The following CRISPLD2 variants were observed in gnomAD, a reference collection of about 807,000 sequenced individuals.
CRISPLD2 encodes the protein cysteine rich secretory protein LCCL domain containing 2, also known as cysteine-rich secretory protein LCCL domain-containing 2.
CRISPLD2 carries 47 observed loss-of-function variants against 71.1 expected under a neutral mutation model. That is an observed-to-expected ratio of 0.66 (90% CI 0.52 to 0.84). The LOEUF is 0.84. Among genes scored for constraint, CRISPLD2 ranks in the 40% least tolerant of loss-of-function variants. The pLI, the probability that CRISPLD2 is intolerant of heterozygous loss-of-function variation, is 0.00. For missense variants in CRISPLD2, 830 were observed against 651.1 expected, an observed-to-expected ratio of 1.27 and a Z score of -2.99; for synonymous variants, 317 against 250.1, an observed-to-expected ratio of 1.27 and a Z score of -2.52.
intron 13 of CRISPLD2, among the ~76,000 whole-genome samples, chr16:84,880,921 T>A (rs1387560262): frequency 6.6e-6 from 1 of 152,088 alleles, no homozygotes; most frequent in Non-Finnish European, 1.5e-5. Flanking sequence ...GCCAGGCTGG[T>A]TTCGAACTCC....
Position 84,893,954 on chromosome 16 carries a change from A to G in CRISPLD2, c.1439+4591A>G, listed in dbSNP as rs999427059. 2.6e-5 allele frequency among the ~76,000 whole-genome samples: 4 copies of G among 152,350 alleles called. No individual in the cohort carries two copies. In the East Asian group the frequency reaches 7.7e-4, roughly 29 times the overall value. On this transcript the variant is annotated intron_variant, in intron 14 of 14. Coordinates refer to ENST00000262424, the MANE Select transcript of CRISPLD2 (RefSeq NM_031476.4). ...CCCAAGGGAGACGTAGATGTTGTAT[A>G]TACTGTGACCAGTTCACAGCAAACT...
intron 4 of CRISPLD2, 70 bp downstream of exon 4, chr16:84,849,587 G>C (rs1917023875): frequency 1.5e-6 from 2 of 1,317,330 alleles, no homozygotes. Flanking sequence ...TGCCCCTGGG[G>C]GATTGTCAAA....
intron 1 of CRISPLD2, among the ~76,000 whole-genome samples, chr16:84,828,815 A>C (rs1409117474): frequency 1.3e-5 from 2 of 152,082 alleles, no homozygotes; most frequent in African/African-American, 4.8e-5. Flanking sequence ...AGAATTTTGT[A>C]TATGCTTAGC....
chr16:84,878,399 G>C (rs1240994585), intron 12 of CRISPLD2, among the ~76,000 whole-genome samples: 1 of 139,834 alleles, frequency 7.2e-6, no homozygotes, highest in African/African-American at 3.4e-5. Context: ...CTGTTGCTCT[G>C]ATTTTGCTTT....
chr16:84,892,975 CAAAAA>C lies in CRISPLD2; in HGVS notation c.1439+3631_1439+3635del, dbSNP rs35939092. Reference sequence around the variant, plus strand: ...TGGGTGACAGAGCGAGACTCCATCTCAAAAAAAAAAAAAAAAAAAAAAAGTCACTC... The same window carrying C: ...TGGGTGACAGAGCGAGACTCCATCTCAAAAAAAAAAAAAAAAAAGTCACTC... On this transcript the variant is annotated intron_variant, in intron 14 of 14. Coordinates refer to ENST00000262424, the MANE Select transcript of CRISPLD2 (RefSeq NM_031476.4). 5.1e-3 allele frequency among the ~76,000 whole-genome samples: 334 copies of C among 64,944 alleles called. 1 individual carries two copies. The highest frequency in any genetic ancestry group is 7.7e-3 in the Non-Finnish European group (257 of 33,278). 42.6% of individuals were successfully genotyped at this position (64,944 alleles called of 152,430 possible).
At chr16:84,847,778 C>T (rs544523677) in intron 3 of CRISPLD2, among the ~76,000 whole-genome samples, 3 of 152,256 alleles carry the variant, frequency 2.0e-5, no homozygotes, top group African/African-American at 7.2e-5. Flanking sequence ...GGCTGGGCGC[C>T]GACGTAGTTT....
chr16:84,868,747 G>A lies in CRISPLD2; in HGVS notation c.854-104G>A, dbSNP rs4782676. The A allele has an allele frequency of 0.18, 170,934 of 961,168 alleles. 16,562 individuals are homozygous for A. Among genetic ancestry groups the A allele is most frequent in the Admixed American group, 0.29 (15,282 of 52,236 alleles). The allele number at this position is 961,168 out of a possible 1,614,324, so 59.5% of individuals were successfully genotyped here. ...ATTGCCCTTGCTCTTAGTATAGCACGGATTGGATTGCAGAATGTTCCAGAA... is the reference window on the plus strand; with the variant it reads ...ATTGCCCTTGCTCTTAGTATAGCACAGATTGGATTGCAGAATGTTCCAGAA... On this transcript the variant is annotated intron_variant, in intron 7 of 14. Transcript: ENST00000262424.
chr16:84,880,484 C>A, intron 12 of CRISPLD2, 25 bp from the exon 13 acceptor site: 1 of 1,600,166 alleles, frequency 6.2e-7, no homozygotes. Context: ...TCAGACCCAT[C>A]ACATAAATGC....
chr16:84,906,931 G>A lies in CRISPLD2; in HGVS notation c.*289G>A, dbSNP rs2071808176. On this transcript the variant is annotated 3_prime_UTR_variant, in exon 15 of 15. Transcript: ENST00000262424. ...AGAGATCTGAGCTGTCTCTTAAAGG[G>A]GACAGTTGCCCAAAATGTTCCTTGC... 8.5e-6 allele frequency: 4 copies of A among 469,530 alleles called. No homozygotes were observed. Among genetic ancestry groups the A allele is most frequent in the Non-Finnish European group, 1.5e-5 (4 of 259,998 alleles). The allele number at this position is 469,530 out of a possible 1,614,324, so 29.1% of individuals were successfully genotyped here.
At chr16:84,877,613 G>A (rs2244487) in intron 12 of CRISPLD2, 103 bp downstream of exon 12, 375,764 of 1,017,784 alleles carry the variant, frequency 0.37, 72,467 homozygotes, top group East Asian at 0.62. Context: ...ACTTTGGGAG[G>A]CCGAGGCGGG....
intron 12 of CRISPLD2, among the ~76,000 whole-genome samples, chr16:84,877,739 A>G (rs2071532645): frequency 6.6e-6 from 1 of 152,002 alleles, no homozygotes; most frequent in Admixed American, 6.6e-5. Flanking sequence ...AATTCCAGCT[A>G]CTTGGGAAGC....
intron 7 of CRISPLD2, among the ~76,000 whole-genome samples, chr16:84,867,781 C>A (rs917622219): frequency 6.6e-6 from 1 of 152,170 alleles, no homozygotes; most frequent in African/African-American, 2.4e-5. Context: ...CCTGGGACTT[C>A]CAGGAATCCC....
chr16:84,903,640 C>T (rs1171350986), intron 14 of CRISPLD2, among the ~76,000 whole-genome samples: 3 of 150,820 alleles, frequency 2.0e-5, no homozygotes, highest in Non-Finnish European at 4.4e-5. Flanking sequence ...GTGACTTTGT[C>T]ACACAGTTAC....
At position 84,908,089 on chromosome 16, in the gene CRISPLD2, T is replaced by TA. The variant is rs2071820927; in HGVS notation, c.*1448dup. 1 of 152,254 alleles carries TA rather than the reference T, an allele frequency of 6.6e-6. No individual in the cohort carries two copies. The highest frequency in any genetic ancestry group is 1.5e-5 in the Non-Finnish European group (1 of 68,036). 9.4% of individuals were successfully genotyped at this position (152,254 alleles called of 1,614,324 possible). On this transcript the variant is annotated 3_prime_UTR_variant, in exon 15 of 15. Coordinates refer to ENST00000262424, the MANE Select transcript of CRISPLD2 (RefSeq NM_031476.4). Reference sequence around the variant, plus strand: ...ACTAGCAGAAAGTCAAAAACTAAGATACTGTAGACTGGACAAGAAATTCTA... The same window carrying TA: ...ACTAGCAGAAAGTCAAAAACTAAGATAACTGTAGACTGGACAAGAAATTCTA...
chr16:84,833,804 GC>G (rs1200747529), intron 1 of CRISPLD2, among the ~76,000 whole-genome samples: 6 of 152,190 alleles, frequency 3.9e-5, no homozygotes, highest in Non-Finnish European at 8.8e-5. Flanking sequence ...ACACGTTGGT[GC>G]CTTCTCATCA....
chr16:84,846,511 C>G (rs893544604), intron 3 of CRISPLD2, among the ~76,000 whole-genome samples: 1 of 152,162 alleles, frequency 6.6e-6, no homozygotes, highest in South Asian at 2.1e-4. Flanking sequence ...ACGTTGGCCT[C>G]CTCAAGTGCG....
At chr16:84,867,124 G>A in intron 7 of CRISPLD2, 84 bp downstream of exon 7, 1 of 1,442,960 alleles carries the variant, frequency 6.9e-7, no homozygotes, top group Non-Finnish European at 9.5e-7. Flanking sequence ...GGAGCTAGTG[G>A]ATTTAGGTCT....
intron 2 of CRISPLD2, among the ~76,000 whole-genome samples, chr16:84,845,042 G>A (rs929912709): frequency 1.3e-5 from 2 of 152,164 alleles, no homozygotes; most frequent in Non-Finnish European, 2.9e-5. Context: ...CTAGCCCCTG[G>A]CCTAGGAATA....
rs149282471 is a variant in CRISPLD2 at position 84,838,887 on chromosome 16, CTGTTT to C, written c.240+158_240+162del. On this transcript the variant is annotated intron_variant, in intron 2 of 14. Coordinates refer to ENST00000262424, the MANE Select transcript of CRISPLD2 (RefSeq NM_031476.4). ...GGCAGGGGAGGATCCCGGCTCTGTT[CTGTTT>C]TGTTTGTTTGTTTTGAGACAGGGTC... The C allele has an allele frequency of 3.8e-4, 392 of 1,031,012 alleles. 1 individual carries two copies. The African/African-American group carries it at 5.1e-3, about 13-fold the overall frequency. The allele number at this position is 1,031,012 out of a possible 1,614,324, so 63.9% of individuals were successfully genotyped here. A position where few individuals can be genotyped will look rare whatever the true frequency, so the allele number is the denominator to read the frequency against.
Sources: gnomAD v4.1 joint callset for allele counts (sites outside exome capture counted in the v4.1 genomes callset) on GRCh38, gnomAD v4.1.1 for gene constraint, MANE v1.5 for transcripts, NCBI Gene and HGNC (gene_info 2026-07-23, HGNC 2026-07-21) for gene names.